Variants in HBS1L observed in about 807,000 individuals in gnomAD.
HBS1L encodes the protein HBS1 like translational GTPase, also known as HBS1-like protein.
Under a neutral mutation model 88.9 loss-of-function variants are expected in HBS1L, and 55 were observed. That is an observed-to-expected ratio of 0.62 (90% CI 0.50 to 0.77). The LOEUF is 0.77. Among genes scored for constraint, HBS1L ranks in the 30% least tolerant of loss-of-function variants. HBS1L has a pLI of 0.00. For synonymous variants in HBS1L, 267 were observed against 288.5 expected (o/e 0.93, Z 0.76); for missense variants, 741 against 829.3 (o/e 0.89, Z 1.31).
rs373676807 is a variant in HBS1L, at chr6:135,015,534, A to G, written c.431-12692T>C. Among the ~76,000 whole-genome samples, 320 of 152,276 alleles carry G rather than the reference A, an allele frequency of 2.1e-3. 2 individuals carry two copies. The highest frequency in any genetic ancestry group is 7.0e-3 in the African/African-American group (291 of 41,566). On this transcript the variant is annotated intron_variant, in intron 4 of 17. Transcript: ENST00000367837. ...GATTTTGAAGTTGAATGTATACAAA[A>G]ACTGCCAACAAAGTGCCTCTAAATG...
chr6:135,030,689 AGTAACAATAAAGAT>A (rs1192138080), intron 4 of HBS1L, among the ~76,000 whole-genome samples: 1 of 152,246 alleles, frequency 6.6e-6, no homozygotes, highest in African/African-American at 2.4e-5. Context: ...TGAAAACAAA[AGTAACAATAAAGAT>A]GTAACAATAA....
chr6:134,969,555 C>G (rs1774422391), intron 15 of HBS1L, among the ~76,000 whole-genome samples: 1 of 152,206 alleles, frequency 6.6e-6, no homozygotes, highest in Admixed American at 6.5e-5. Context: ...TTCTACCCCA[C>G]CAATTACTGC....
intron 2 of HBS1L, among the ~76,000 whole-genome samples, chr6:135,049,721 G>A (rs1484270948): frequency 6.6e-6 from 1 of 152,026 alleles, no homozygotes; most frequent in Non-Finnish European, 1.5e-5. Flanking sequence ...ACAGGCACTC[G>A]CCACCATGCC....
intron 8 of HBS1L, among the ~76,000 whole-genome samples, chr6:134,992,385 T>C (rs1349733447): frequency 1.3e-5 from 2 of 152,174 alleles, no homozygotes; most frequent in African/African-American, 2.4e-5. Flanking sequence ...CATAGCACCA[T>C]GCATTACTCA....
intron 4 of HBS1L, chr6:135,035,831 C>G (rs1036192872): frequency 8.8e-6 from 5 of 569,396 alleles, no homozygotes; most frequent in Non-Finnish European, 6.6e-6. Context: ...TGGTAAAATT[C>G]TCCATTCAAA....
At chr6:135,043,538 ACT>A (rs2114913863) in intron 2 of HBS1L, among the ~76,000 whole-genome samples, 1 of 152,332 alleles carries the variant, frequency 6.6e-6, no homozygotes, top group East Asian at 1.9e-4. Flanking sequence ...AAGCATAACC[ACT>A]CTCTATTCAT....
At chr6:134,968,156 A>G (rs1583053592) in intron 16 of HBS1L, among the ~76,000 whole-genome samples, 1 of 152,282 alleles carries the variant, frequency 6.6e-6, no homozygotes, top group Middle Eastern at 3.4e-3. Context: ...TTGGGATGTT[A>G]TTGGAAAAGA....
In HBS1L at chr6:135,042,153, C is replaced by G. The variant is rs369582508; in HGVS notation, c.110-27G>C. Reference sequence around the variant, plus strand: ...TAGAATATAAAATGATCAAAGAATGCTATGGTATAGCCATTTCCTATTAAC... The same window carrying G: ...TAGAATATAAAATGATCAAAGAATGGTATGGTATAGCCATTTCCTATTAAC... On this transcript the variant is annotated intron_variant, in intron 2 of 17. Coordinates refer to ENST00000367837, the MANE Select transcript of HBS1L (RefSeq NM_006620.4). The G allele has an allele frequency of 5.0e-6, 8 of 1,602,478 alleles. No individual in the cohort carries two copies. The African/African-American group carries it at 1.1e-4, about 21-fold the overall frequency.
At chr6:135,047,629 C>A (rs1483700501) in intron 2 of HBS1L, among the ~76,000 whole-genome samples, 1 of 152,182 alleles carries the variant, frequency 6.6e-6, no homozygotes, top group Non-Finnish European at 1.5e-5. Flanking sequence ...CCTAAAATAG[C>A]CTCATCTCCT....
intron 4 of HBS1L, among the ~76,000 whole-genome samples, chr6:135,022,048 C>CT (rs1469359775): frequency 6.6e-6 from 1 of 152,090 alleles, no homozygotes; most frequent in East Asian, 1.9e-4. Flanking sequence ...ACGAGCTACT[C>CT]TAAAACTCGA....
At chr6:134,983,223 G>A (rs1774882823) in intron 12 of HBS1L, 1 of 152,100 alleles carries the variant, frequency 6.6e-6, no homozygotes, top group Non-Finnish European at 1.5e-5. Flanking sequence ...ACAGAGATAG[G>A]CAAGGGAGAA....
chr6:135,025,379 C>A (rs781765316), intron 4 of HBS1L, among the ~76,000 whole-genome samples: 5 of 152,154 alleles, frequency 3.3e-5, no homozygotes, highest in Non-Finnish European at 7.4e-5. Context: ...AAAGAGTCAT[C>A]AAGAAAATAG....
At chr6:135,014,542 C>T (rs920704511) in intron 4 of HBS1L, among the ~76,000 whole-genome samples, 2 of 152,096 alleles carry the variant, frequency 1.3e-5, no homozygotes, top group African/African-American at 2.4e-5. Context: ...TGCAGCTGAA[C>T]AAGTACTATA....
chr6:135,031,924 C>T (rs908711690), intron 4 of HBS1L, among the ~76,000 whole-genome samples: 4 of 151,404 alleles, frequency 2.6e-5, no homozygotes, highest in African/African-American at 9.7e-5. Flanking sequence ...CCTGCCTCAG[C>T]CTCCCAAACA....
At chr6:135,038,751 T>C (rs1776636699) in intron 4 of HBS1L, among the ~76,000 whole-genome samples, 1 of 152,114 alleles carries the variant, frequency 6.6e-6, no homozygotes. Flanking sequence ...TAACCCCAAA[T>C]TTTACAAATT....
intron 8 of HBS1L, among the ~76,000 whole-genome samples, chr6:134,990,860 A>G (rs1365330351): frequency 1.3e-5 from 2 of 152,170 alleles, no homozygotes; most frequent in Non-Finnish European, 2.9e-5. Flanking sequence ...CCTGGAATAA[A>G]CGATCTTTAT....
intron 16 of HBS1L, among the ~76,000 whole-genome samples, chr6:134,968,390 A>AGGTGT (rs1774380399): frequency 6.6e-6 from 1 of 152,140 alleles, no homozygotes; most frequent in South Asian, 2.1e-4. Context: ...CTGGGATTAC[A>AGGTGT]GGTGTGAGCC....
chr6:135,036,575 C>T (rs1485417730), intron 4 of HBS1L: 3 of 1,491,452 alleles, frequency 2.0e-6, no homozygotes, highest in Admixed American at 2.6e-5. Flanking sequence ...CTAGTAAATG[C>T]TTTTTTTTGA....
intron 4 of HBS1L, among the ~76,000 whole-genome samples, chr6:135,008,274 G>C (rs980801432): frequency 6.6e-6 from 1 of 152,178 alleles, no homozygotes; most frequent in Non-Finnish European, 1.5e-5. Context: ...AGAAATAATA[G>C]CCACCCAGCT....
Sources: allele counts gnomAD v4.1 joint callset (sites outside exome capture counted in the v4.1 genomes callset), GRCh38; gene constraint gnomAD v4.1.1; transcripts MANE v1.5; gene names NCBI Gene and HGNC (gene_info 2026-07-23, HGNC 2026-07-21).